Variants in FHIT observed in about 807,000 individuals in gnomAD.
FHIT encodes the protein fragile histidine triad diadenosine triphosphatase, also known as bis(5'-adenosyl)-triphosphatase.
FHIT carries 19 observed loss-of-function variants against 17.9 expected under a neutral mutation model. The observed-to-expected ratio is 1.06, with a 90% confidence interval of 0.74 to 1.56. FHIT has a LOEUF of 1.56. FHIT is among the 40% of genes most tolerant of loss of function. FHIT has a pLI of 0.00. For missense variants in FHIT, 248 were observed against 189.2 expected (o/e 1.31, Z -1.82); for synonymous variants, 81 against 69.7 (o/e 1.16, Z -0.81).
intron 4 of FHIT, among the ~76,000 whole-genome samples, chr3:60,701,211 C>T (rs1553702028): frequency 6.7e-6 from 1 of 150,194 alleles, no homozygotes; most frequent in East Asian, 2.0e-4. Flanking sequence ...GCAGCCTCGA[C>T]TTCCCTGGCT....
chr3:60,990,065 G>A (rs751974280), intron 3 of FHIT, among the ~76,000 whole-genome samples: 6 of 152,094 alleles, frequency 3.9e-5, no homozygotes, highest in Non-Finnish European at 5.9e-5. Flanking sequence ...GGGTACAACA[G>A]TCCCAGCCCC....
At chr3:60,427,890 C>T (rs1162278655) in intron 5 of FHIT, among the ~76,000 whole-genome samples, 1 of 152,078 alleles carries the variant, frequency 6.6e-6, no homozygotes, top group Admixed American at 6.6e-5. Flanking sequence ...CTGGGCCAGT[C>T]CTGTTAATGT....
intron 4 of FHIT, among the ~76,000 whole-genome samples, chr3:60,771,365 T>C (rs1248670777): frequency 1.3e-5 from 2 of 152,234 alleles, no homozygotes; most frequent in Non-Finnish European, 2.9e-5. Flanking sequence ...TCAATACTCT[T>C]TCTGAAAACT....
At chr3:60,638,868 A>AAAATGAAG (rs1375756814) in intron 4 of FHIT, among the ~76,000 whole-genome samples, 6 of 151,796 alleles carry the variant, frequency 4.0e-5, no homozygotes, top group Admixed American at 1.3e-4. Context: ...GTCATTTTAA[A>AAAATGAAG]AAATGGTGTG....
chr3:60,702,474 T>TAACAA, intron 4 of FHIT, among the ~76,000 whole-genome samples: 1 of 152,142 alleles, frequency 6.6e-6, no homozygotes, highest in South Asian at 2.1e-4. Context: ...TATATAGGCC[T>TAACAA]TTTTTGTTAA....
At chr3:60,271,997 G>C (rs941366221) in intron 5 of FHIT, among the ~76,000 whole-genome samples, 1 of 152,170 alleles carries the variant, frequency 6.6e-6, no homozygotes, top group African/African-American at 2.4e-5. Flanking sequence ...ACAGAGACCT[G>C]TCCAAGATCA....
At chr3:60,530,750 G>A (rs997609475) in intron 5 of FHIT, among the ~76,000 whole-genome samples, 1 of 152,180 alleles carries the variant, frequency 6.6e-6, no homozygotes, top group Admixed American at 6.5e-5. Context: ...CAGCAAGTTT[G>A]TCTTACAATG....
chr3:61,183,398 C>A (rs2038404795), intron 2 of FHIT, among the ~76,000 whole-genome samples: 1 of 152,184 alleles, frequency 6.6e-6, no homozygotes, highest in South Asian at 2.1e-4. Context: ...ATTATCCCAA[C>A]CTCATCTAAA....
At chr3:60,572,012 GGTTTTCTT>G (rs1321843547) in intron 4 of FHIT, among the ~76,000 whole-genome samples, 3 of 151,962 alleles carry the variant, frequency 2.0e-5, no homozygotes, top group Admixed American at 6.6e-5. Context: ...TGTTTCCCAA[GGTTTTCTT>G]TCTTTCTTTT....
intron 3 of FHIT, chr3:60,912,720 A>G (rs1166984971): frequency 3.9e-6 from 2 of 514,594 alleles, no homozygotes; most frequent in Non-Finnish European, 7.7e-6. Flanking sequence ...TTTACTAACT[A>G]GCCCTTCCAT....
intron 8 of FHIT, among the ~76,000 whole-genome samples, chr3:59,775,666 G>C (rs1384881651): frequency 6.6e-6 from 1 of 152,158 alleles, no homozygotes; most frequent in Non-Finnish European, 1.5e-5. Context: ...TGAGGATGAG[G>C]GTGTTTGAAA....
intron 4 of FHIT, among the ~76,000 whole-genome samples, chr3:60,559,504 A>C (rs1298739848): frequency 6.6e-6 from 1 of 152,140 alleles, no homozygotes; most frequent in Non-Finnish European, 1.5e-5. Flanking sequence ...TTTCTCATTT[A>C]ATAAGGTTTT....
intron 5 of FHIT, among the ~76,000 whole-genome samples, chr3:60,467,293 C>A (rs902620808): frequency 3.3e-5 from 5 of 151,692 alleles, no homozygotes; most frequent in Admixed American, 3.3e-4. Flanking sequence ...TTCAAAAAAA[C>A]AACTTTTTGT....
intron 5 of FHIT, among the ~76,000 whole-genome samples, chr3:60,216,239 A>G (rs1342473883): frequency 6.6e-6 from 1 of 152,212 alleles, no homozygotes; most frequent in Non-Finnish European, 1.5e-5. Flanking sequence ...AAACTGTGAC[A>G]ATTTGAAGAA....
chr3:60,331,265 A>C (rs932864201), intron 5 of FHIT, among the ~76,000 whole-genome samples: 2 of 151,954 alleles, frequency 1.3e-5, no homozygotes, highest in Non-Finnish European at 2.9e-5. Context: ...TGCACCTCTC[A>C]GTGCCCTTTC....
At chr3:60,531,995 C>T (rs1450730200) in intron 5 of FHIT, among the ~76,000 whole-genome samples, 1 of 152,194 alleles carries the variant, frequency 6.6e-6, no homozygotes, top group Non-Finnish European at 1.5e-5. Context: ...TAGTCTAATT[C>T]TCTCACAAAT....
At chr3:60,119,235 A>C (rs1705133745) in intron 5 of FHIT, among the ~76,000 whole-genome samples, 1 of 151,536 alleles carries the variant, frequency 6.6e-6, no homozygotes, top group African/African-American at 2.4e-5. Flanking sequence ...CACCATGCCC[A>C]GCTAATTTTT....
chr3:60,690,290 G>T (rs900835500), intron 4 of FHIT: 4 of 554,834 alleles, frequency 7.2e-6, no homozygotes, highest in Non-Finnish European at 1.4e-5. Context: ...AACACAAAGC[G>T]CTCCATGGCC....
intron 4 of FHIT, among the ~76,000 whole-genome samples, chr3:60,714,103 T>C (rs1559662624): frequency 6.6e-6 from 1 of 152,200 alleles, no homozygotes; most frequent in Non-Finnish European, 1.5e-5. Context: ...GTGGGCTTCA[T>C]CCCTGGGATG....
Sources: allele counts gnomAD v4.1 joint callset (sites outside exome capture counted in the v4.1 genomes callset), GRCh38; gene constraint gnomAD v4.1.1; transcripts MANE v1.5; gene names NCBI Gene and HGNC (gene_info 2026-07-23, HGNC 2026-07-21).